The following NQO1 variants were observed in gnomAD, a reference collection of about 807,000 sequenced individuals.
NQO1 encodes the protein NAD(P)H dehydrogenase [quinone] 1.
Under a neutral mutation model 32.1 loss-of-function variants are expected in NQO1, and 30 were observed. That is an observed-to-expected ratio of 0.94 (90% CI 0.70 to 1.27). The LOEUF (loss-of-function observed/expected upper bound fraction) is 1.27, where lower values mean the gene tolerates loss of function less well. Ranked by LOEUF, NQO1 falls within the 50% of genes most tolerant of loss-of-function variation. NQO1 has a pLI of 0.00. For missense variants in NQO1, 276 were observed against 331.3 expected (o/e 0.83, Z 1.30); for synonymous variants, 109 against 119.7 (o/e 0.91, Z 0.59).
At position 69,711,084 on chromosome 16, in the gene NQO1, C is replaced by A. The variant is rs892901137; in HGVS notation, c.717G>T (p.Met239Ile). Residue 239 changes from methionine (M) to isoleucine (I), a missense_variant, in exon 6 of 6, where the codon ATG (methionine) becomes ATT (isoleucine). Met to Ile is a conservative substitution (Grantham distance 10, BLOSUM62 1). Transcript: ENST00000320623. ...FDLNFQAGFL[M>I]KKEVQDEEKN... is the part of the protein sequence containing the mutation. Reference sequence around the variant, plus strand: ...TCTCCTCATCCTGTACCTCTTTTTTCATTAAGAATCCTGCCTGGAAGTTTA... The same window carrying A: ...TCTCCTCATCCTGTACCTCTTTTTTAATTAAGAATCCTGCCTGGAAGTTTA... The A allele has an allele frequency of 6.2e-7, 1 of 1,614,132 alleles. No homozygotes were observed. The highest frequency in any genetic ancestry group is 8.5e-7 in the Non-Finnish European group (1 of 1,180,002).
At chr16:69,723,517 G>A (rs1202595133) in intron 1 of NQO1, among the ~76,000 whole-genome samples, 1 of 152,140 alleles carries the variant, frequency 6.6e-6, no homozygotes, top group Non-Finnish European at 1.5e-5. Flanking sequence ...AAGGTTGTGG[G>A]TGGGTCGCGG....
intron 4 of NQO1, among the ~76,000 whole-genome samples, chr16:69,714,460 T>C (rs2038085693): frequency 6.6e-6 from 1 of 150,942 alleles, no homozygotes; most frequent in South Asian, 2.2e-4. Context: ...CGTGAGCCAC[T>C]GCGCCCGGCC....
rs375836248 is a variant in NQO1, at chr16:69,711,189, G to A, written c.612C>T (p.Ile204=). 209 of 1,614,052 alleles carry A rather than the reference G, an allele frequency of 1.3e-4. No homozygotes were observed. The highest frequency in any genetic ancestry group is 1.2e-4 in the Non-Finnish European group (139 of 1,180,048). ...CCAGGCGTTTCTTCCATCCTTCCAG[G>A]ATTTGAATTCGGGCGTCTGCTGGAG... The part of the protein sequence containing the change: ...GHTPADARIQ[I]LEGWKKRLEN... Residue 204 remains isoleucine, a synonymous_variant, in exon 6 of 6, where the codon ATC becomes ATT. Transcript: ENST00000320623.
chr16:69,721,199 C>A (rs1369055476), intron 1 of NQO1, among the ~76,000 whole-genome samples: 19 of 152,130 alleles, frequency 1.2e-4, no homozygotes. Context: ...CCTGCACTTT[C>A]TTCCTTTGTC....
At chr16:69,712,005 T>C (rs1324837186) in intron 5 of NQO1, among the ~76,000 whole-genome samples, 11 of 152,156 alleles carry the variant, frequency 7.2e-5, no homozygotes, top group Non-Finnish European at 1.3e-4. Flanking sequence ...TCCCTCTTTA[T>C]AGAAATTATC....
intron 4 of NQO1, among the ~76,000 whole-genome samples, 193 bp downstream of exon 4, chr16:69,714,771 C>T (rs1030107266): frequency 4.6e-5 from 7 of 151,758 alleles, no homozygotes; most frequent in Admixed American, 1.3e-4. Context: ...CCCAGCTACT[C>T]GGGAGGCTGA....
In NQO1 at chr16:69,710,977, C is replaced by T. The variant is rs372417414; in HGVS notation, c.824G>A (p.Ter275=). ...PTDNQIKARK[*] is the part of the protein sequence containing the mutation. ...GAAGGAAATCCAGGCTAAGGAATCT[C>T]ATTTTCTAGCTTTGATCTGGTTGTC... Residue 275 remains the stop codon, a stop_retained_variant, in exon 6 of 6, where the codon TGA becomes TAA. Transcript: ENST00000320623. 5 of 1,607,972 alleles carry T rather than the reference C, an allele frequency of 3.1e-6. No individual in the cohort carries two copies. The highest frequency in any genetic ancestry group is 4.2e-6 in the Non-Finnish European group (5 of 1,176,616).
chr16:69,711,036 A>G lies in NQO1; in HGVS notation c.765T>C (p.Ser255=), dbSNP rs1216238214. ...DEEKNKKFGL[S]VGHHLGKSIP... ...TGGACTTGCCCAAGTGATGGCCCAC[A>G]GAAAGGCCAAATTTCTTGTTTTTCT... The change falls in exon 6 of 6, where the codon TCT becomes TCC. Residue 255 remains serine (S), a synonymous_variant. Transcript: ENST00000320623. The G allele has an allele frequency of 6.2e-7, 1 of 1,614,098 alleles. No individual in the cohort carries two copies. The highest frequency in any genetic ancestry group is 1.3e-5 in the African/African-American group (1 of 74,944).
In NQO1 at chr16:69,721,831, CAAAAAA is replaced by C. The variant is rs11325347; in HGVS notation, c.8-3303_8-3298del. 1.2e-3 allele frequency among the ~76,000 whole-genome samples: 116 copies of C among 97,114 alleles called. No homozygotes were observed. In the East Asian group the frequency reaches 0.03, roughly 25 times the overall value. 63.7% of individuals were successfully genotyped at this position (97,114 alleles called of 152,430 possible). ...TAACATGGAGAAACCCCGTTTCTAC[CAAAAAA>C]AAAAAAAAAAAAAAAATTAGCTGAG... is the stretch of plus-strand genomic sequence containing the variant. On this transcript the variant is annotated intron_variant, in intron 1 of 5. Transcript: ENST00000320623.
chr16:69,713,075 GA>G lies in NQO1; in HGVS notation c.471del (p.Leu158CysfsTer8). ...ITTGGSGSMY[S>X]LQGIHGDMNV... Reference sequence around the variant, plus strand: ...TTCATGTCCCCGTGGATCCCTTGCAGAGAGTACATGGAGCCACTGCCACCAG... The same window carrying G: ...TTCATGTCCCCGTGGATCCCTTGCAGGAGTACATGGAGCCACTGCCACCAG... On this transcript the variant is annotated frameshift_variant, in exon 5 of 6. Coordinates refer to ENST00000320623, the MANE Select transcript of NQO1 (RefSeq NM_000903.3). LOFTEE classifies it high-confidence loss of function. The G allele has an allele frequency of 6.2e-7, 1 of 1,614,168 alleles. No individual in the cohort carries two copies. Among genetic ancestry groups the G allele is most frequent in the South Asian group, 1.1e-5 (1 of 91,080 alleles).
In NQO1 at chr16:69,713,057, C is replaced by T. The variant is rs770038647; in HGVS notation, c.490G>A (p.Asp164Asn). ...ATTGGCCAGAGAATGACATTCATGTCCCCGTGGATCCCTTGCAGAGAGTAC... is the reference window on the plus strand; with the variant it reads ...ATTGGCCAGAGAATGACATTCATGTTCCCGTGGATCCCTTGCAGAGAGTAC... Reference protein sequence around the residue: ...SMYSLQGIHGDMNVILWPIQS... With the variant: ...SMYSLQGIHGNMNVILWPIQS... The change falls in exon 5 of 6, where the codon GAC becomes AAC. Residue 164 changes from aspartate to asparagine, a missense_variant. Coordinates refer to ENST00000320623, the MANE Select transcript of NQO1 (RefSeq NM_000903.3). 6.2e-7 allele frequency: 1 copy of T among 1,614,022 alleles called. No homozygotes were observed. The highest frequency in any genetic ancestry group is 8.5e-7 in the Non-Finnish European group (1 of 1,179,920).
Position 69,711,102 on chromosome 16 carries a change from G to C in NQO1, c.699C>G (p.Phe233Leu). 6.2e-7 allele frequency: 1 copy of C among 1,614,132 alleles called. No homozygotes were observed. The highest frequency in any genetic ancestry group is 8.5e-7 in the Non-Finnish European group (1 of 1,180,032). Residue 233 changes from phenylalanine to leucine, a missense_variant, in exon 6 of 6, where the codon TTC becomes TTG. By Grantham distance (22) the Phe-to-Leu change is conservative (BLOSUM62 0). Transcript: ENST00000320623. ...CTTTTTTCATTAAGAATCCTGCCTG[G>C]AAGTTTAGGTCAAAGAGGCTGCTTG... ...FAPSSLFDLN[F>L]QAGFLMKKEV...
At chr16:69,717,507 CGCT>C (rs1567632436) in intron 3 of NQO1, among the ~76,000 whole-genome samples, 4 of 151,844 alleles carry the variant, frequency 2.6e-5, no homozygotes, top group Non-Finnish European at 5.9e-5. Flanking sequence ...CTGAAGGAAT[CGCT>C]AACTGAAGGA....
intron 1 of NQO1, among the ~76,000 whole-genome samples, chr16:69,722,567 T>A (rs185452413): frequency 1.3e-5 from 2 of 152,206 alleles, no homozygotes; most frequent in Admixed American, 6.5e-5. Context: ...ATTGACCACA[T>A]CTAGCAAGGC....
At chr16:69,713,205 C>T (rs1360142572) in intron 4 of NQO1, 76 bp from the exon 5 acceptor site, 2 of 1,090,070 alleles carry the variant, frequency 1.8e-6, no homozygotes, top group Non-Finnish European at 2.8e-6. Flanking sequence ...TGAAACAGCT[C>T]CAGGGAAAAG....
At chr16:69,714,248 T>C (rs952195869) in intron 4 of NQO1, among the ~76,000 whole-genome samples, 8 of 151,426 alleles carry the variant, frequency 5.3e-5, no homozygotes, top group African/African-American at 1.7e-4. Flanking sequence ...TGGCTCACTG[T>C]AACCTCCACC....
chr16:69,716,702 C>G (rs2038117878), intron 3 of NQO1, among the ~76,000 whole-genome samples: 1 of 151,762 alleles, frequency 6.6e-6, no homozygotes. Context: ...ATAATCCCAG[C>G]CTTTTGGGAG....
At chr16:69,725,907 A>G (rs2038255441) in intron 1 of NQO1, among the ~76,000 whole-genome samples, 1 of 134,836 alleles carries the variant, frequency 7.4e-6, no homozygotes, top group South Asian at 2.4e-4. Flanking sequence ...ACAAAACAAA[A>G]CCTGTGCCTG....
At position 69,714,368 on chromosome 16, in the gene NQO1, G is replaced by A. The variant is rs548025446; in HGVS notation, c.417+596C>T. ...GTATTTTTGGTAGAGACGGGGTTTC[G>A]CCATGTTGGCCAGACTGGTCTCAAA... is the stretch of plus-strand genomic sequence containing the variant. On this transcript the variant is annotated intron_variant, in intron 4 of 5. Coordinates refer to ENST00000320623, the MANE Select transcript of NQO1 (RefSeq NM_000903.3). 8.8e-4 allele frequency among the ~76,000 whole-genome samples: 129 copies of A among 147,352 alleles called. 1 individual carries two copies. Among genetic ancestry groups the A allele is most frequent in the Admixed American group, 6.4e-3 (95 of 14,768 alleles).
Sources: allele counts gnomAD v4.1 joint callset (sites outside exome capture counted in the v4.1 genomes callset), GRCh38; gene constraint gnomAD v4.1.1; transcripts MANE v1.5; gene names NCBI Gene and HGNC (gene_info 2026-07-23, HGNC 2026-07-21).